PAPPA2: variants seen among roughly 807,000 people sequenced by gnomAD.
The protein encoded by PAPPA2 is pappalysin-2.
PAPPA2 carries 86 observed loss-of-function variants against 176.4 expected under a neutral mutation model. The ratio of observed to expected loss-of-function variants is 0.49; its 90% CI spans 0.41 to 0.58. PAPPA2 has a LOEUF of 0.58. PAPPA2 is among the 20% of genes least tolerant of loss of function. The pLI, the probability that PAPPA2 is intolerant of heterozygous loss-of-function variation, is 0.00. For synonymous variants in PAPPA2, 809 were observed against 852.2 expected (o/e 0.95, Z 0.88); for missense variants, 2,073 against 2,256.9 (o/e 0.92, Z 1.65).
chr1:176,808,317 C>T (rs1216672276), intron 21 of PAPPA2, among the ~76,000 whole-genome samples: 4 of 152,300 alleles, frequency 2.6e-5, no homozygotes, highest in South Asian at 4.1e-4. Flanking sequence ...TGGTCTTCAA[C>T]TGTGCTTTGA....
At chr1:176,522,999 A>G (rs1649291183) in intron 1 of PAPPA2, among the ~76,000 whole-genome samples, 1 of 152,108 alleles carries the variant, frequency 6.6e-6, no homozygotes, top group Non-Finnish European at 1.5e-5. Flanking sequence ...TGGATTCATC[A>G]GGCAAGGTTT....
intron 1 of PAPPA2, among the ~76,000 whole-genome samples, chr1:176,466,654 G>A (rs891782186): frequency 4.6e-5 from 7 of 152,124 alleles, no homozygotes; most frequent in Admixed American, 3.3e-4. Flanking sequence ...AGTCTGTGCA[G>A]CAGAGAGAGG....
At chr1:176,678,305 A>G (rs1438488359) in intron 4 of PAPPA2, among the ~76,000 whole-genome samples, 1 of 152,218 alleles carries the variant, frequency 6.6e-6, no homozygotes, top group African/African-American at 2.4e-5. Flanking sequence ...ATTGGGGCAT[A>G]TAATTTTATT....
At chr1:176,581,625 A>C (rs1040856234) in intron 2 of PAPPA2, among the ~76,000 whole-genome samples, 2 of 151,982 alleles carry the variant, frequency 1.3e-5, no homozygotes, top group South Asian at 4.1e-4. Context: ...TGCCTTCTTT[A>C]TTTCTTTCAT....
In PAPPA2 at chr1:176,653,932, C is replaced by T. The variant is rs145502703; in HGVS notation, c.1992-17038C>T. Among the ~76,000 whole-genome samples, 220 of 151,852 alleles carry T rather than the reference C, an allele frequency of 1.4e-3. 1 individual carries two copies. Among genetic ancestry groups the T allele is most frequent in the African/African-American group, 5.0e-3 (209 of 41,508 alleles). ...AATTCTGCTGGATTTCTTCGTACCTCTTCATTACTGTTTCTCAGACCTCTT... is the reference window on the plus strand; with the variant it reads ...AATTCTGCTGGATTTCTTCGTACCTTTTCATTACTGTTTCTCAGACCTCTT... On this transcript the variant is annotated intron_variant, in intron 3 of 22. Transcript: ENST00000367662.
At chr1:176,778,541 G>C (rs1027324711) in intron 17 of PAPPA2, among the ~76,000 whole-genome samples, 7 of 152,126 alleles carry the variant, frequency 4.6e-5, no homozygotes, top group Non-Finnish European at 8.8e-5. Flanking sequence ...TTAATAAACT[G>C]AAAATGTGCA....
chr1:176,509,871 A>G (rs1383995836), intron 1 of PAPPA2, among the ~76,000 whole-genome samples: 1 of 148,666 alleles, frequency 6.7e-6, no homozygotes, highest in Non-Finnish European at 1.5e-5. Flanking sequence ...AAAAAAAACA[A>G]CAAAAAAAAC....
chr1:176,725,415 C>T (rs1028221093), intron 12 of PAPPA2, among the ~76,000 whole-genome samples: 2 of 152,104 alleles, frequency 1.3e-5, no homozygotes, highest in South Asian at 2.1e-4. Flanking sequence ...TTTAATTCTA[C>T]TTAGTAAACA....
intron 1 of PAPPA2, among the ~76,000 whole-genome samples, chr1:176,464,003 T>A (rs1426000588): frequency 1.3e-5 from 2 of 152,164 alleles, no homozygotes; most frequent in African/African-American, 4.8e-5. Flanking sequence ...AGGATATAAT[T>A]GAGCCAAATA....
intron 3 of PAPPA2, among the ~76,000 whole-genome samples, chr1:176,611,735 G>T (rs890845889): frequency 6.6e-6 from 1 of 152,160 alleles, no homozygotes; most frequent in African/African-American, 2.4e-5. Flanking sequence ...ATTAATTTGA[G>T]TGGCTTATAT....
At chr1:176,766,908 A>ATTT (rs377365153) in intron 15 of PAPPA2, among the ~76,000 whole-genome samples, 19 of 148,474 alleles carry the variant, frequency 1.3e-4, no homozygotes, top group Admixed American at 8.8e-4. Context: ...ACAAGAGTTG[A>ATTT]TTTTTTTTTT....
At chr1:176,591,693 T>G (rs1455087458) in intron 2 of PAPPA2, among the ~76,000 whole-genome samples, 3 of 152,214 alleles carry the variant, frequency 2.0e-5, no homozygotes, top group Non-Finnish European at 2.9e-5. Context: ...TTCTGTGCAC[T>G]TATTCATAAC....
Position 176,616,699 on chromosome 1 carries a change from T to C in PAPPA2, c.1991+21104T>C, listed in dbSNP as rs927280027. The C allele has an allele frequency of 2.3e-5, 35 of 1,494,810 alleles. No homozygotes were observed. In the Admixed American group the frequency reaches 5.8e-4, roughly 25 times the overall value. The allele number at this position is 1,494,810 out of a possible 1,614,324, so 92.6% of individuals were successfully genotyped here. A position where few individuals can be genotyped will look rare whatever the true frequency, so the allele number is the denominator to read the frequency against. ...TTCTTAAGCTCCTCTATAAATTTAT[T>C]TAAGGTCACATTGGTTGGATTGTGT... On this transcript the variant is annotated intron_variant, in intron 3 of 22. Transcript: ENST00000367662.
intron 1 of PAPPA2, among the ~76,000 whole-genome samples, chr1:176,481,098 C>G (rs149025944): frequency 2.0e-5 from 3 of 152,076 alleles, no homozygotes; most frequent in Non-Finnish European, 2.9e-5. Flanking sequence ...TAAGTTTGAA[C>G]GTAAAGTGAC....
At chr1:176,550,713 GA>G (rs1365543355) in intron 1 of PAPPA2, among the ~76,000 whole-genome samples, 6 of 151,978 alleles carry the variant, frequency 3.9e-5, no homozygotes, top group Admixed American at 1.3e-4. Context: ...TTGTATTCTG[GA>G]AAAAAAATGA....
intron 1 of PAPPA2, among the ~76,000 whole-genome samples, chr1:176,483,405 G>C (rs1022857394): frequency 6.7e-6 from 1 of 149,150 alleles, no homozygotes; most frequent in Non-Finnish European, 1.5e-5. Flanking sequence ...CTAGGGCCTA[G>C]GGAAACTGAA....
intron 3 of PAPPA2, among the ~76,000 whole-genome samples, chr1:176,625,428 C>G (rs1232019023): frequency 6.6e-6 from 1 of 152,180 alleles, no homozygotes; most frequent in African/African-American, 2.4e-5. Flanking sequence ...GCCTAATACT[C>G]TGCCCGACAT....
intron 2 of PAPPA2, among the ~76,000 whole-genome samples, chr1:176,589,778 A>G (rs1008053521): frequency 2.0e-5 from 3 of 152,230 alleles, no homozygotes; most frequent in Admixed American, 6.5e-5. Flanking sequence ...TAAAATCTCA[A>G]TGTTGCACAA....
At chr1:176,777,530 G>T (rs1254731226) in intron 17 of PAPPA2, among the ~76,000 whole-genome samples, 1 of 152,020 alleles carries the variant, frequency 6.6e-6, no homozygotes, top group African/African-American at 2.4e-5. Flanking sequence ...TAGTCAAATG[G>T]CTAAGAAGGG....
Sources: gnomAD v4.1 joint callset for allele counts (sites outside exome capture counted in the v4.1 genomes callset) on GRCh38, gnomAD v4.1.1 for gene constraint, MANE v1.5 for transcripts, NCBI Gene and HGNC (gene_info 2026-07-23, HGNC 2026-07-21) for gene names.